TTLL10: variants seen among roughly 807,000 people sequenced by gnomAD.
TTLL10 encodes the protein tubulin tyrosine ligase like 10, also known as inactive polyglycylase TTLL10.
A neutral mutation model predicts 69.0 loss-of-function variants in TTLL10; 61 were observed. The ratio of observed to expected loss-of-function variants is 0.88; its 90% CI spans 0.72 to 1.09. TTLL10 has a LOEUF of 1.09. TTLL10 is among the 50% of genes least tolerant of loss of function. The pLI, the probability that TTLL10 is intolerant of heterozygous loss-of-function variation, is 0.00. For missense variants in TTLL10, 962 were observed against 945.9 expected (o/e 1.02, Z -0.22); for synonymous variants, 408 against 393.3 (o/e 1.04, Z -0.44).
intron 4 of TTLL10, 124 bp from the exon 5 acceptor site, chr1:1,179,533 G>A (rs977898869): frequency 2.5e-5 from 37 of 1,471,434 alleles, no homozygotes; most frequent in South Asian, 6.5e-5. Context: ...GTCGCGCTCC[G>A]CGGCCCAGGG....
Position 1,196,987 on chromosome 1 carries a change from G to A in TTLL10, c.1519-106G>A, listed in dbSNP as rs550395120. ...AAACAGGGGAGCAAGGCTATAGGAA[G>A]GAAGCAATCTCCCAGAGCCATCTGT... On this transcript the variant is annotated intron_variant, in intron 14 of 15. Coordinates refer to ENST00000379289, the MANE Select transcript of TTLL10 (RefSeq NM_001130045.2). The A allele has an allele frequency of 2.0e-4, 227 of 1,109,414 alleles. 1 individual carries two copies. In the Middle Eastern group the frequency reaches 6.6e-3, roughly 32 times the overall value. 68.7% of individuals were successfully genotyped at this position (1,109,414 alleles called of 1,614,324 possible). A position where few individuals can be genotyped will look rare whatever the true frequency, so the allele number is the denominator to read the frequency against.
intron 3 of TTLL10, among the ~76,000 whole-genome samples, chr1:1,178,804 C>T (rs757292602): frequency 1.4e-4 from 21 of 152,130 alleles, no homozygotes; most frequent in Non-Finnish European, 2.6e-4. Flanking sequence ...GGGTCAGCAG[C>T]GGAGACAGAG....
rs570688401 is a variant in TTLL10 at position 1,180,905 on chromosome 1, A to G, written c.755+45A>G. The G allele has an allele frequency of 2.2e-4, 299 of 1,371,678 alleles. 3 individuals carry two copies. In the African/African-American group the frequency reaches 5.4e-3, roughly 25 times the overall value. 85.0% of individuals were successfully genotyped at this position (1,371,678 alleles called of 1,614,324 possible). ...TGCCCCCGTCCCTGCGCCCGCCCCT[A>G]CGCCTGCCCCTGCCCCTGCCCCTGC... On this transcript the variant is annotated intron_variant, in intron 8 of 15. Transcript: ENST00000379289.
chr1:1,182,537 T>A, intron 10 of TTLL10, 91 bp downstream of exon 10: 1 of 1,358,750 alleles, frequency 7.4e-7, no homozygotes, highest in Admixed American at 1.7e-5. Context: ...CAGGGCTGGG[T>A]CTGGAGGGGC....
rs974192013 is a variant in TTLL10, at chr1:1,179,646, C to T, written c.119-11C>T. 14 of 1,550,758 alleles carry T rather than the reference C, an allele frequency of 9.0e-6. No individual in the cohort carries two copies. Among genetic ancestry groups the T allele is most frequent in the South Asian group, 1.2e-5 (1 of 84,068 alleles). On this transcript the variant is annotated splice_polypyrimidine_tract_variant and intron_variant, in intron 4 of 15. Transcript: ENST00000379289. ...GACATCATCATGGACATTGTGACCCCTGCCCTCCAGGGACCATCCCTGCGT... is the reference window on the plus strand; with the variant it reads ...GACATCATCATGGACATTGTGACCCTTGCCCTCCAGGGACCATCCCTGCGT...
rs1648237009 is a variant in TTLL10 at position 1,196,707 on chromosome 1, C to G, written c.1509C>G (p.Asp503Glu). Residue 503 changes from aspartate to glutamate, a missense_variant, in exon 14 of 16, where the codon GAC becomes GAG. Coordinates refer to ENST00000379289, the MANE Select transcript of TTLL10 (RefSeq NM_001130045.2). ...DLIGCDFLID[D>E]NFKVWLLEMN... Reference sequence around the variant, plus strand: ...TTGGCTGTGACTTCCTGATTGATGACAACTTCAAGGTGCTGTCCTGGGCGG... The same window carrying G: ...TTGGCTGTGACTTCCTGATTGATGAGAACTTCAAGGTGCTGTCCTGGGCGG... 1 of 1,550,824 alleles carries G rather than the reference C, an allele frequency of 6.4e-7. No homozygotes were observed. The highest frequency in any genetic ancestry group is 8.7e-7 in the Non-Finnish European group (1 of 1,145,872).
chr1:1,183,058 G>GGAGGGGTGA lies in TTLL10; in HGVS notation c.1088+12_1088+13insAGGGGTGAG. Reference sequence around the variant, plus strand: ...GCGGGTGGTGCAGAGGTGCGGCGGCGGGTGCCCGGAGGGGTGAGGGTCTGG... The same window carrying GGAGGGGTGA: ...GCGGGTGGTGCAGAGGTGCGGCGGCGGAGGGGTGAGGTGCCCGGAGGGGTGAGGGTCTGG... On this transcript the variant is annotated intron_variant, in intron 11 of 15. Transcript: ENST00000379289. The GGAGGGGTGA allele has an allele frequency of 6.3e-7, 1 of 1,586,458 alleles. No homozygotes were observed. The highest frequency in any genetic ancestry group is 1.1e-5 in the South Asian group (1 of 87,042).
intron 10 of TTLL10, among the ~76,000 whole-genome samples, 180 bp from the exon 11 acceptor site, chr1:1,182,696 C>T (rs1036160564): frequency 1.3e-5 from 2 of 151,804 alleles, no homozygotes; most frequent in African/African-American, 4.8e-5. Flanking sequence ...GAGCTTGGTC[C>T]GGGTGAGCGT....
rs888932492 is a variant in TTLL10, at chr1:1,193,307, A to C, written c.1402-3293A>C. On this transcript the variant is annotated intron_variant, in intron 13 of 15. Transcript: ENST00000379289. ...GCCATTGCACTCCAGCCTGGGTGAC[A>C]GAGCGAGACTCCGTCTCAAAAAATA... 8.6e-4 allele frequency among the ~76,000 whole-genome samples: 131 copies of C among 152,196 alleles called. 3 individuals are homozygous for C. The highest frequency in any genetic ancestry group is 1.9e-4 in the Non-Finnish European group (13 of 68,036).
rs751844314 is a variant in TTLL10 at position 1,180,814 on chromosome 1, CG to C, written c.712del (p.Ala238ProfsTer2). On this transcript the variant is annotated frameshift_variant, in exon 8 of 16. Transcript: ENST00000379289. LOFTEE classifies it high-confidence loss of function. ...GCTCAGCACCCTTCGGGGACGGGCA[CG>C]GGCCATGAGCAAGGCCAGCAAGGTG... is the stretch of plus-strand genomic sequence containing the variant. ...GLLSTLRGRA[R>X]AMSKASKVPG... The C allele has an allele frequency of 3.7e-6, 6 of 1,600,300 alleles. No individual in the cohort carries two copies. The Admixed American group carries it at 6.8e-5, about 18-fold the overall frequency.
chr1:1,180,460 A>ACCCCC, intron 6 of TTLL10, 23 bp from the exon 7 acceptor site: 25 of 1,107,272 alleles, frequency 2.3e-5, no homozygotes, highest in Non-Finnish European at 2.9e-5. Flanking sequence ...CCCCCAGGTC[A>ACCCCC]CCCCCGCCCC....
Position 1,182,984 on chromosome 1 carries a change from T to TGGAGGACGACCCCATCCACCAC in TTLL10, c.1026_1047dup (p.Lys350GlyfsTer35), listed in dbSNP as rs771578163. On this transcript the variant is annotated frameshift_variant, in exon 11 of 16. Transcript: ENST00000379289. LOFTEE classifies it high-confidence loss of function. ...GCCCTGCAGGCCAAGACCCGGAGCA[T>TGGAGGACGACCCCATCCACCAC]GGAGGACGACCCCATCCACCACAAG... The TGGAGGACGACCCCATCCACCAC allele has an allele frequency of 3.6e-5, 58 of 1,609,392 alleles. No homozygotes were observed. Among genetic ancestry groups the TGGAGGACGACCCCATCCACCAC allele is most frequent in the Non-Finnish European group, 4.7e-5 (55 of 1,178,496 alleles).
chr1:1,180,350 G>T lies in TTLL10; in HGVS notation c.506+10G>T. 6.4e-7 allele frequency: 1 copy of T among 1,554,186 alleles called. No individual in the cohort carries two copies. Among genetic ancestry groups the T allele is most frequent in the East Asian group, 2.4e-5 (1 of 41,600 alleles). On this transcript the variant is annotated intron_variant, in intron 6 of 15. Coordinates refer to ENST00000379289, the MANE Select transcript of TTLL10 (RefSeq NM_001130045.2). ...GCAACGGGGCCACAATGTGAGTAGC[G>T]GCCCTGGGCGCCCGTGGTCCCACTG...
chr1:1,179,802 C>T (rs1281210276), intron 5 of TTLL10, 65 bp downstream of exon 5: 3 of 1,483,536 alleles, frequency 2.0e-6, no homozygotes, highest in Middle Eastern at 2.0e-4. Context: ...CCACCTGGAA[C>T]CTGCCGGCAG....
chr1:1,196,448 A>G (rs565243017), intron 13 of TTLL10, 152 bp from the exon 14 acceptor site: 87 of 629,628 alleles, frequency 1.4e-4, no homozygotes, highest in African/African-American at 1.1e-3. Flanking sequence ...TGAACCTGTG[A>G]GGCTGAGTGC....
In TTLL10 at chr1:1,179,664, C is replaced by T; in HGVS notation, c.126C>T (p.Ile42=). The T allele has an allele frequency of 6.4e-7, 1 of 1,550,994 alleles. No homozygotes were observed. Among genetic ancestry groups the T allele is most frequent in the Non-Finnish European group, 8.7e-7 (1 of 1,146,836 alleles). The part of the protein sequence containing the change: ...QRPRARVSGT[I]PASRLHPAPA... ...GTGACCCCTGCCCTCCAGGGACCAT[C>T]CCTGCGTCACGTCTGCACCCAGCAC... The change falls in exon 5 of 16, where the codon ATC becomes ATT. Residue 42 remains isoleucine (I), a synonymous_variant. Coordinates refer to ENST00000379289, the MANE Select transcript of TTLL10 (RefSeq NM_001130045.2).
At position 1,197,193 on chromosome 1, in the gene TTLL10, C is replaced by T; in HGVS notation, c.1612+7C>T. 1 of 1,548,906 alleles carries T rather than the reference C, an allele frequency of 6.5e-7. No homozygotes were observed. The highest frequency in any genetic ancestry group is 8.7e-7 in the Non-Finnish European group (1 of 1,146,138). On this transcript the variant is annotated splice_region_variant and intron_variant, in intron 15 of 15. Transcript: ENST00000379289. Reference sequence around the variant, plus strand: ...GTGGTCATCGAGACCCTGGGTGAGCCTCCAAGCCCCCACCCCACACCCCCA... The same window carrying T: ...GTGGTCATCGAGACCCTGGGTGAGCTTCCAAGCCCCCACCCCACACCCCCA...
intron 10 of TTLL10, 126 bp downstream of exon 10, chr1:1,182,572 G>A: frequency 2.8e-6 from 3 of 1,059,654 alleles, no homozygotes; most frequent in Non-Finnish European, 4.3e-6. Flanking sequence ...ACGAGACGAG[G>A]TGGTCAGGAA....
rs376805909 is a variant in TTLL10, at chr1:1,195,758, G to A, written c.1402-842G>A. 2.6e-5 allele frequency among the ~76,000 whole-genome samples: 4 copies of A among 151,956 alleles called. No homozygotes were observed. In the East Asian group the frequency reaches 5.8e-4, roughly 22 times the overall value. On this transcript the variant is annotated intron_variant, in intron 13 of 15. Transcript: ENST00000379289. The stretch of plus-strand genomic sequence containing the variant: ...GGGCTCAAGCAGTCCTCCCACCTCA[G>A]CCTCCCAAGTAGGTGGGACTACAGG...
Sources: gnomAD v4.1 joint callset for allele counts (sites outside exome capture counted in the v4.1 genomes callset) on GRCh38, gnomAD v4.1.1 for gene constraint, MANE v1.5 for transcripts, NCBI Gene and HGNC (gene_info 2026-07-23, HGNC 2026-07-21) for gene names.